The following REL variants were observed in gnomAD, a reference collection of about 807,000 sequenced individuals.
REL encodes the protein proto-oncogene c-Rel.
In REL, 15 loss-of-function variants were observed where a neutral mutation model predicts 45.9. That is an observed-to-expected ratio of 0.33 (90% CI 0.22 to 0.50). The LOEUF is 0.50. Among genes scored for constraint, REL ranks in the 20% least tolerant of loss-of-function variants. The probability of loss-of-function intolerance (pLI) is 0.98; values close to 1 mark genes in which losing one functional copy is unlikely to be tolerated. For missense variants in REL, 601 were observed against 715.2 expected (o/e 0.84, Z 1.82); for synonymous variants, 239 against 242.1 (o/e 0.99, Z 0.12).
intron 4 of REL, among the ~76,000 whole-genome samples, chr2:60,903,774 T>C (rs992295848): frequency 3.2e-4 from 49 of 152,262 alleles, no homozygotes; most frequent in African/African-American, 1.1e-3. Context: ...CAAGTGATCC[T>C]CCTGCCTCAG....
chr2:60,906,086 A>G (rs1673640282), intron 4 of REL, among the ~76,000 whole-genome samples: 2 of 152,194 alleles, frequency 1.3e-5, no homozygotes, highest in Non-Finnish European at 2.9e-5. Flanking sequence ...AATGAGGAAA[A>G]TGCAAAAGCG....
intron 1 of REL, among the ~76,000 whole-genome samples, chr2:60,885,526 C>A (rs1393622908): frequency 6.6e-6 from 1 of 152,166 alleles, no homozygotes; most frequent in African/African-American, 2.4e-5. Flanking sequence ...GTTGAATACT[C>A]ATCTGAAAAT....
At chr2:60,906,725 A>T (rs1282918341) in intron 4 of REL, among the ~76,000 whole-genome samples, 1 of 151,720 alleles carries the variant, frequency 6.6e-6, no homozygotes, top group African/African-American at 2.4e-5. Context: ...AAATACCCTG[A>T]TCTGCCTGGT....
intron 3 of REL, chr2:60,899,792 T>C (rs1470018035): frequency 6.6e-6 from 1 of 152,406 alleles, no homozygotes; most frequent in African/African-American, 2.4e-5. Flanking sequence ...CACCATCGTC[T>C]ATGCTACACA....
At chr2:60,899,343 G>A (rs1673436559) in intron 3 of REL, 2 of 152,154 alleles carry the variant, frequency 1.3e-5, no homozygotes, top group Admixed American at 1.3e-4. Context: ...AAATTAGCCA[G>A]GTAGGGTGTC....
intron 1 of REL, among the ~76,000 whole-genome samples, chr2:60,887,934 G>GTT (rs529972811): frequency 7.0e-6 from 1 of 143,000 alleles, no homozygotes; most frequent in African/African-American, 2.5e-5. Context: ...TGTTTTGTTT[G>GTT]TTTTTTTTTT....
In REL at chr2:60,903,921, CCT is replaced by C. The variant is rs1372438766; in HGVS notation, c.394+2840_394+2841del. Reference sequence around the variant, plus strand: ...GGGTCCAGTGATCCGCCTGCCTTGGCCTCCCAAAGTGCTGGGATTACAGGTGT... The same window carrying C: ...GGGTCCAGTGATCCGCCTGCCTTGGCCCCAAAGTGCTGGGATTACAGGTGT... On this transcript the variant is annotated intron_variant, in intron 4 of 9. Transcript: ENST00000394479. 3.3e-5 allele frequency among the ~76,000 whole-genome samples: 5 copies of C among 152,204 alleles called. No individual in the cohort carries two copies. In the East Asian group the frequency reaches 9.7e-4, roughly 29 times the overall value.
intron 4 of REL, among the ~76,000 whole-genome samples, chr2:60,916,043 G>A (rs1673953608): frequency 6.6e-6 from 1 of 152,154 alleles, no homozygotes; most frequent in Non-Finnish European, 1.5e-5. Context: ...AAAAGCATAG[G>A]CTCTAAATTT....
intron 1 of REL, among the ~76,000 whole-genome samples, chr2:60,883,520 A>G (rs1331461215): frequency 6.6e-6 from 1 of 152,188 alleles, no homozygotes; most frequent in Non-Finnish European, 1.5e-5. Flanking sequence ...TTGTTAATGT[A>G]TTGGTTATCA....
Position 60,922,683 on chromosome 2 carries a change from A to T in REL, c.*148A>T. The T allele has an allele frequency of 7.7e-7, 1 of 1,299,946 alleles. No individual in the cohort carries two copies. The highest frequency in any genetic ancestry group is 1.5e-5 in the African/African-American group (1 of 65,846). The allele number at this position is 1,299,946 out of a possible 1,614,324, so 80.5% of individuals were successfully genotyped here. A position where few individuals can be genotyped will look rare whatever the true frequency, so the allele number is the denominator to read the frequency against. ...AATACTGTATTTGAGAATATAAAAA[A>T]CTTTTTTCAGGGAAGAAGCATACAA... On this transcript the variant is annotated 3_prime_UTR_variant, in exon 10 of 10. Coordinates refer to ENST00000394479, the MANE Select transcript of REL (RefSeq NM_001291746.2).
intron 4 of REL, among the ~76,000 whole-genome samples, chr2:60,907,252 A>AT (rs1176628286): frequency 1.7e-4 from 26 of 151,936 alleles, no homozygotes; most frequent in African/African-American, 6.3e-4. Flanking sequence ...ATGGTTTGCT[A>AT]TAACTTTGAT....
chr2:60,915,688 G>A (rs906236241), intron 4 of REL, among the ~76,000 whole-genome samples: 1 of 152,126 alleles, frequency 6.6e-6, no homozygotes, highest in Non-Finnish European at 1.5e-5. Flanking sequence ...TGTAAATAAT[G>A]TGCATGTCTT....
Position 60,929,937 on chromosome 2 carries a change from T to A in REL, c.*7402T>A, listed in dbSNP as rs1459116549. On this transcript the variant is annotated 3_prime_UTR_variant, in exon 10 of 10. Transcript: ENST00000394479. ...GATCCCTTGAACCCAGGAGGTTGAG[T>A]CTGTAGTGAGCAGTGATTACGCCAC... 1 of 151,542 alleles carries A rather than the reference T, an allele frequency of 6.6e-6. No homozygotes were observed. Among genetic ancestry groups the A allele is most frequent in the Non-Finnish European group, 1.5e-5 (1 of 67,866 alleles). The allele number at this position is 151,542 out of a possible 1,614,324, so 9.4% of individuals were successfully genotyped here.
rs977601488 is a variant in REL at position 60,887,282 on chromosome 2, T to C, written c.11-4401T>C. On this transcript the variant is annotated intron_variant, in intron 1 of 9. Transcript: ENST00000394479. ...CAAAATAGGAATGAGTATGAGGAAA[T>C]ACTGAGGTGTAGCAATCCTGGTACC... is the stretch of plus-strand genomic sequence containing the variant. Among the ~76,000 whole-genome samples, 9 of 152,164 alleles carry C rather than the reference T, an allele frequency of 5.9e-5. No individual in the cohort carries two copies. The South Asian group carries it at 1.9e-3, about 31-fold the overall frequency.
chr2:60,886,769 C>T (rs1055492518), intron 1 of REL, among the ~76,000 whole-genome samples: 7 of 151,938 alleles, frequency 4.6e-5, no homozygotes, highest in African/African-American at 1.7e-4. Flanking sequence ...TTTAAAAGCT[C>T]ATGCTTTATT....
intron 2 of REL, among the ~76,000 whole-genome samples, chr2:60,892,510 C>T (rs1405276361): frequency 6.6e-6 from 1 of 151,282 alleles, no homozygotes; most frequent in Non-Finnish European, 1.5e-5. Flanking sequence ...CTCACTGCAA[C>T]CTCCGCCTCC....
rs181523249 is a variant in REL, at chr2:60,904,430, G to A, written c.394+3347G>A. Among the ~76,000 whole-genome samples the A allele has an allele frequency of 2.7e-3, 402 of 150,792 alleles. 2 individuals are homozygous for A. The highest frequency in any genetic ancestry group is 8.6e-3 in the African/African-American group (353 of 41,062). The stretch of plus-strand genomic sequence containing the variant: ...TAAAAAAAAAAAAAAAATTAGCCGG[G>A]CGTGGTGGCGCACACCTGTGATCCC... On this transcript the variant is annotated intron_variant, in intron 4 of 9. Coordinates refer to ENST00000394479, the MANE Select transcript of REL (RefSeq NM_001291746.2).
intron 2 of REL, among the ~76,000 whole-genome samples, chr2:60,893,604 C>G (rs1573317783): frequency 2.0e-5 from 3 of 152,174 alleles, no homozygotes; most frequent in Admixed American, 1.3e-4. Context: ...CAATTACCTT[C>G]TCTTTCATAC....
rs1237646715 is a variant in REL, at chr2:60,929,830, TAAA to T, written c.*7296_*7298del. 1 of 151,514 alleles carries T rather than the reference TAAA, an allele frequency of 6.6e-6. No individual in the cohort carries two copies. Among genetic ancestry groups the T allele is most frequent in the Non-Finnish European group, 1.5e-5 (1 of 67,848 alleles). The allele number at this position is 151,514 out of a possible 1,614,324, so 9.4% of individuals were successfully genotyped here. A position where few individuals can be genotyped will look rare whatever the true frequency, so the allele number is the denominator to read the frequency against. ...AGCTTAAAGTATAATAAAAAATAAA[TAAA>T]TAAATAAATAAGAAAAAGAAAGCCA... is the stretch of plus-strand genomic sequence containing the variant. On this transcript the variant is annotated 3_prime_UTR_variant, in exon 10 of 10. Coordinates refer to ENST00000394479, the MANE Select transcript of REL (RefSeq NM_001291746.2).
Sources: gnomAD v4.1 joint callset for allele counts (sites outside exome capture counted in the v4.1 genomes callset) on GRCh38, gnomAD v4.1.1 for gene constraint, MANE v1.5 for transcripts, NCBI Gene and HGNC (gene_info 2026-07-23, HGNC 2026-07-21) for gene names.